Variants in SGCD observed in about 807,000 individuals in gnomAD.
The protein encoded by SGCD is sarcoglycan delta.
In SGCD, 18 loss-of-function variants were observed where a neutral mutation model predicts 36.6. The ratio of observed to expected loss-of-function variants is 0.49; its 90% confidence interval spans 0.34 to 0.73. SGCD has a LOEUF of 0.73. SGCD is among the 30% of genes least tolerant of loss of function. SGCD has a pLI of 0.01. For missense variants in SGCD, 387 were observed against 346.7 expected (o/e 1.12, Z -0.92); for synonymous variants, 133 against 130.6 (o/e 1.02, Z -0.12).
intron 7 of SGCD, among the ~76,000 whole-genome samples, chr5:156,749,938 C>CTT (rs1301014903): frequency 6.6e-6 from 1 of 151,890 alleles, no homozygotes; most frequent in Non-Finnish European, 1.5e-5. Context: ...AGAACACACT[C>CTT]TTTTATGAAT....
rs192269204 is a variant in SGCD at position 156,069,292 on chromosome 5, A to C, written c.-281-48586A>C. ...TAAGTCTTTAATCCATCTTGAATTA[A>C]TTTTTGTATAAGGTGTAGGGAAGGG... On this transcript the variant is annotated intron_variant, in intron 1 of 9. Transcript: ENST00000517913. Among the ~76,000 whole-genome samples, 1,184 of 152,182 alleles carry C rather than the reference A, an allele frequency of 7.8e-3. 18 individuals are homozygous for C. The highest frequency in any genetic ancestry group is 0.027 in the African/African-American group (1,133 of 41,466).
intron 3 of SGCD, among the ~76,000 whole-genome samples, chr5:156,475,363 G>A (rs1022117036): frequency 1.3e-5 from 2 of 152,178 alleles, no homozygotes; most frequent in Admixed American, 6.5e-5. Context: ...CATAGTGACA[G>A]TTCAGACTAT....
In SGCD at chr5:156,414,447, G is replaced by A. The variant is rs147799027; in HGVS notation, c.192+69770G>A. Reference sequence around the variant, plus strand: ...GATAAAATTATCATAAAAGAATATTGTTGATATAACATTGACAGGAAATAA... The same window carrying A: ...GATAAAATTATCATAAAAGAATATTATTGATATAACATTGACAGGAAATAA... On this transcript the variant is annotated intron_variant, in intron 3 of 8. Transcript: ENST00000337851. Among the ~76,000 whole-genome samples the A allele has an allele frequency of 4.6e-5, 7 of 152,296 alleles. No individual in the cohort carries two copies. The East Asian group carries it at 1.4e-3, about 29-fold the overall frequency.
chr5:156,577,764 T>C (rs1402615669), intron 4 of SGCD, among the ~76,000 whole-genome samples: 1 of 152,240 alleles, frequency 6.6e-6, no homozygotes, highest in East Asian at 1.9e-4. Context: ...GCTCATTAAT[T>C]TTGTATCCTG....
chr5:156,736,553 A>C (rs1216992939), intron 7 of SGCD, among the ~76,000 whole-genome samples: 2 of 152,124 alleles, frequency 1.3e-5, no homozygotes, highest in Non-Finnish European at 2.9e-5. Context: ...GGAATGCACT[A>C]ATCCTCTATG....
rs180703746 is a variant in SGCD, at chr5:155,997,359, A to G, written c.-281-120519A>G. Reference sequence around the variant, plus strand: ...AAAAAATCCAGGCTATTGATCTAACAAACCTATGAGAGTTCAGGATATTTT... The same window carrying G: ...AAAAAATCCAGGCTATTGATCTAACGAACCTATGAGAGTTCAGGATATTTT... On this transcript the variant is annotated intron_variant, in intron 1 of 9. Coordinates refer to the SGCD transcript ENST00000517913. 2.0e-5 allele frequency among the ~76,000 whole-genome samples: 3 copies of G among 152,380 alleles called. No homozygotes were observed. In the East Asian group the frequency reaches 5.8e-4, roughly 29 times the overall value.
At chr5:156,649,302 G>A (rs1763363051) in intron 7 of SGCD, among the ~76,000 whole-genome samples, 3 of 152,116 alleles carry the variant, frequency 2.0e-5, no homozygotes, top group Admixed American at 6.6e-5. Flanking sequence ...AGTCAGTGTG[G>A]CGATTCCTCA....
chr5:156,704,905 A>C (rs1447004197), intron 7 of SGCD, among the ~76,000 whole-genome samples: 2 of 152,036 alleles, frequency 1.3e-5, no homozygotes, highest in Non-Finnish European at 2.9e-5. Context: ...ATTAAAAAAA[A>C]AAAAGAAAGA....
chr5:155,935,477 A>G (rs1757176088), intron 1 of SGCD, among the ~76,000 whole-genome samples: 1 of 152,208 alleles, frequency 6.6e-6, no homozygotes. Context: ...TCAGCCAGCA[A>G]TAAATGAGAT....
intron 3 of SGCD, among the ~76,000 whole-genome samples, chr5:156,178,544 T>C (rs1274294235): frequency 2.0e-5 from 3 of 152,222 alleles, no homozygotes; most frequent in African/African-American, 7.2e-5. Flanking sequence ...TTACACATGC[T>C]TTCAATATAA....
At chr5:155,907,957 T>G (rs1297577906) in intron 1 of SGCD, among the ~76,000 whole-genome samples, 1 of 152,046 alleles carries the variant, frequency 6.6e-6, no homozygotes, top group Non-Finnish European at 1.5e-5. Flanking sequence ...GCCAACTTCA[T>G]TGTTGTTTAA....
intron 4 of SGCD, 114 bp downstream of exon 4, chr5:156,508,816 A>G (rs1464406397): frequency 3.5e-6 from 2 of 572,648 alleles, no homozygotes; most frequent in Non-Finnish European, 6.1e-6. Context: ...TAATACTGGT[A>G]TTAAGATGAA....
chr5:155,782,796 G>T, the SGCD span, among the ~76,000 whole-genome samples: 2 of 152,154 alleles, frequency 1.3e-5, no homozygotes, highest in Admixed American at 1.3e-4. Context: ...TAGGTTGTGT[G>T]CTCCTTATGA....
At chr5:155,901,227 G>T (rs1242190798) in intron 1 of SGCD, among the ~76,000 whole-genome samples, 1 of 151,548 alleles carries the variant, frequency 6.6e-6, no homozygotes, top group Non-Finnish European at 1.5e-5. Context: ...TAGAAGAATT[G>T]CTTGAACCCG....
In SGCD at chr5:155,931,363, T is replaced by A. The variant is rs149322625; in HGVS notation, c.-282+60939T>A. Among the ~76,000 whole-genome samples the A allele has an allele frequency of 1.1e-3, 164 of 152,300 alleles. 1 individual carries two copies. Among genetic ancestry groups the A allele is most frequent in the African/African-American group, 3.8e-3 (160 of 41,584 alleles). On this transcript the variant is annotated intron_variant, in intron 1 of 9. Coordinates refer to the SGCD transcript ENST00000517913. ...AAAATTGCTTCAACATCTTAATGGA[T>A]TATTTTTCCATTTTTTATTTTAACA...
intron 7 of SGCD, among the ~76,000 whole-genome samples, chr5:156,695,108 GTGTT>G (rs1391074915): frequency 3.0e-5 from 4 of 131,606 alleles, no homozygotes; most frequent in Non-Finnish European, 4.8e-5. Context: ...CAAAGGTACT[GTGTT>G]TGTGTGTGTG....
intron 4 of SGCD, among the ~76,000 whole-genome samples, chr5:156,583,866 G>A (rs1349065583): frequency 2.0e-5 from 3 of 152,212 alleles, no homozygotes; most frequent in African/African-American, 7.2e-5. Context: ...TGATTGTTTG[G>A]TAGATAGTGT....
At chr5:156,092,290 T>G (rs544760509) in intron 1 of SGCD, among the ~76,000 whole-genome samples, 1 of 152,362 alleles carries the variant, frequency 6.6e-6, no homozygotes, top group African/African-American at 2.4e-5. Flanking sequence ...TTTGCCCTGC[T>G]TCAACCTGAA....
intron 3 of SGCD, among the ~76,000 whole-genome samples, chr5:156,171,442 CA>C (rs1275708461): frequency 7.9e-5 from 12 of 152,102 alleles, no homozygotes; most frequent in South Asian, 2.1e-4. Flanking sequence ...AGATTAAGAT[CA>C]GGGGTAATTT....
Sources: allele counts gnomAD v4.1 joint callset (sites outside exome capture counted in the v4.1 genomes callset), GRCh38; gene constraint gnomAD v4.1.1; transcripts MANE v1.5; gene names NCBI Gene and HGNC (gene_info 2026-07-23, HGNC 2026-07-21).